The following MYL3 variants were observed in gnomAD, a reference collection of about 807,000 sequenced individuals.
The protein encoded by MYL3 is CMLC1.
MYL3 carries 11 observed loss-of-function variants against 21.3 expected under a neutral mutation model. The observed-to-expected ratio is 0.52, with a 90% CI of 0.32 to 0.85. MYL3 has a LOEUF of 0.85. Among genes scored for constraint, MYL3 ranks in the 40% least tolerant of loss-of-function variants. The pLI is 0.03. For missense variants in MYL3, 206 were observed against 253.3 expected (o/e 0.81, Z 1.27); for synonymous variants, 88 against 91.6 (o/e 0.96, Z 0.22).
Position 46,879,900 on chromosome 3 carries a change from G to A in MYL3, c.-218+2174C>T, listed in dbSNP as rs376863255. Among the ~76,000 whole-genome samples, 2 of 152,094 alleles carry A rather than the reference G, an allele frequency of 1.3e-5. No homozygotes were observed. Among genetic ancestry groups the A allele is most frequent in the East Asian group, 1.9e-4 (1 of 5,178 alleles). ...CTACAAATGCAAAAATTAGCCAGGCGTGGTGGTGCACAACTATAATGCCAG... is the reference window on the plus strand; with the variant it reads ...CTACAAATGCAAAAATTAGCCAGGCATGGTGGTGCACAACTATAATGCCAG... On this transcript the variant is annotated intron_variant, in intron 1 of 3. Transcript: ENST00000431168. The surrounding 1 kb of genome is among the most constrained non-coding windows in gnomAD (Gnocchi z 4.7).
At position 46,859,319 on chromosome 3, in the gene MYL3, C is replaced by G. The variant is rs1701965061; in HGVS notation, c.481+156G>C. 6.6e-6 allele frequency among the ~76,000 whole-genome samples: 1 copy of G among 152,218 alleles called. No homozygotes were observed. Among genetic ancestry groups the G allele is most frequent in the African/African-American group, 2.4e-5 (1 of 41,462 alleles). On this transcript the variant is annotated intron_variant, in intron 4 of 6. Transcript: ENST00000292327. The surrounding 1 kb of genome is among the most constrained non-coding windows in gnomAD (Gnocchi z 4.1). The stretch of plus-strand genomic sequence containing the variant: ...TGCACCAGCATGCTTGCTTTACTCT[C>G]CTCCTAAGTAACATTTCTGTTGTCT...
Position 46,860,652 on chromosome 3 carries a change from G to A in MYL3, c.307+24C>T. ...CAGTCTCCCCGGTACTAACACTATG[G>A]GGGCTCTCGGGCAGGTGCACTACCT... is the stretch of plus-strand genomic sequence containing the variant. On this transcript the variant is annotated intron_variant, in intron 3 of 6. Transcript: ENST00000292327. The surrounding 1 kb of genome is among the most constrained non-coding windows in gnomAD (Gnocchi z 4.6). 6.2e-7 allele frequency: 1 copy of A among 1,611,758 alleles called. No individual in the cohort carries two copies. Among genetic ancestry groups the A allele is most frequent in the Non-Finnish European group, 8.5e-7 (1 of 1,179,980 alleles).
chr3:46,859,370 ACT>A lies in MYL3; in HGVS notation c.481+103_481+104del, dbSNP rs1301741889. 15 of 1,448,092 alleles carry A rather than the reference ACT, an allele frequency of 1.0e-5. No individual in the cohort carries two copies. The highest frequency in any genetic ancestry group is 9.1e-5 in the East Asian group (4 of 43,796). The allele number at this position is 1,448,092 out of a possible 1,614,324, so 89.7% of individuals were successfully genotyped here. On this transcript the variant is annotated intron_variant, in intron 4 of 6. Transcript: ENST00000292327. The surrounding 1 kb of genome is among the most constrained non-coding windows in gnomAD (Gnocchi z 4.1). ...GCCATTGAGGCTCCCTAATTATGTA[ACT>A]CTCTCCATTTCACCAATGGGTCACA...
In MYL3 at chr3:46,861,008, C is replaced by T; in HGVS notation, c.130-21G>A. Reference sequence around the variant, plus strand: ...TCAATCTGAAAAGAGACCCCAAAGACTCAGATGCCCGGCTTAAAAGGTGGG... The same window carrying T: ...TCAATCTGAAAAGAGACCCCAAAGATTCAGATGCCCGGCTTAAAAGGTGGG... On this transcript the variant is annotated intron_variant, in intron 1 of 6. Coordinates refer to ENST00000292327, the MANE Select transcript of MYL3 (RefSeq NM_000258.3). The surrounding 1 kb of genome is among the most constrained non-coding windows in gnomAD (Gnocchi z 4.2). 6.2e-7 allele frequency: 1 copy of T among 1,613,984 alleles called. No individual in the cohort carries two copies. The highest frequency in any genetic ancestry group is 8.5e-7 in the Non-Finnish European group (1 of 1,179,996).
chr3:46,863,611 AG>A (rs971807382), upstream of MYL3: 16 of 546,664 alleles, frequency 2.9e-5, no homozygotes, highest in African/African-American at 3.1e-4. Flanking sequence ...TGGGTAGTGG[AG>A]GAGGGATCTC....
intron 1 of MYL3, among the ~76,000 whole-genome samples, chr3:46,870,770 A>G (rs1702101887): frequency 6.6e-6 from 1 of 151,450 alleles, no homozygotes; most frequent in Non-Finnish European, 1.5e-5. Flanking sequence ...GCCCCTAGAC[A>G]CTCCCTACTC....
rs74779174 is a variant in MYL3, at chr3:46,874,010, A to C, written c.-217-7410T>G. Among the ~76,000 whole-genome samples, 7,296 of 152,282 alleles carry C rather than the reference A, an allele frequency of 0.048. 242 individuals carry two copies. Among genetic ancestry groups the C allele is most frequent in the Non-Finnish European group, 0.07 (4,767 of 67,992 alleles). On this transcript the variant is annotated intron_variant, in intron 1 of 3. Transcript: ENST00000431168. The surrounding 1 kb of genome is among the most constrained non-coding windows in gnomAD (Gnocchi z 4.1). ...ACTGGCGACCCACCTGTGCCCAGTG[A>C]GAGCCCTTCGGCCTCTTCCAAAGAG...
intron 1 of MYL3, among the ~76,000 whole-genome samples, chr3:46,877,290 G>C (rs1251603588): frequency 6.6e-6 from 1 of 152,114 alleles, no homozygotes; most frequent in Non-Finnish European, 1.5e-5. Context: ...CTGTGACACA[G>C]GCAAGAACCA....
At chr3:46,876,654 C>A (rs2106930122) in intron 1 of MYL3, among the ~76,000 whole-genome samples, 1 of 152,340 alleles carries the variant, frequency 6.6e-6, no homozygotes, top group Middle Eastern at 3.4e-3. Flanking sequence ...CCCCAGGAGC[C>A]TGGAAGACCC....
chr3:46,876,489 G>A (rs2030222783), intron 1 of MYL3, among the ~76,000 whole-genome samples: 1 of 152,208 alleles, frequency 6.6e-6, no homozygotes. Context: ...AGTCCCATAA[G>A]TGCTGTTTGT....
At chr3:46,858,839 C>T (rs1336226843) in intron 4 of MYL3, among the ~76,000 whole-genome samples, 3 of 152,114 alleles carry the variant, frequency 2.0e-5, no homozygotes, top group Middle Eastern at 3.2e-3. Flanking sequence ...CCGCTGCTCC[C>T]CAAGTCTGGT....
chr3:46,863,485 C>A (rs1702014179), upstream of MYL3: 2 of 1,362,254 alleles, frequency 1.5e-6, no homozygotes. Flanking sequence ...TGCCCGGATA[C>A]CTCATGACCC....
upstream of MYL3, among the ~76,000 whole-genome samples, chr3:46,865,306 A>G (rs544619451): frequency 7.7e-4 from 114 of 148,358 alleles, no homozygotes; most frequent in Admixed American, 3.1e-3. This position sits in a 1 kb window ranked among gnomAD's most constrained non-coding sequence, Gnocchi z 4.3. Flanking sequence ...TTTCTTCCAA[A>G]TGTTTGGCAA....
upstream of MYL3, chr3:46,863,629 T>G: frequency 1.9e-6 from 1 of 523,148 alleles, no homozygotes; most frequent in Non-Finnish European, 3.5e-6. Flanking sequence ...TCTCCATTCC[T>G]CCCAATCACC....
chr3:46,881,757 C>G (rs2106946694), intron 1 of MYL3, among the ~76,000 whole-genome samples: 1 of 151,766 alleles, frequency 6.6e-6, no homozygotes, highest in African/African-American at 2.4e-5. Context: ...GCAGCCAAGC[C>G]GGGCTCGGGG....
At chr3:46,858,988 G>A (rs753973251) in intron 4 of MYL3, among the ~76,000 whole-genome samples, 47 of 152,144 alleles carry the variant, frequency 3.1e-4, no homozygotes, top group Admixed American at 2.0e-4. Flanking sequence ...GCACGGAGCT[G>A]AAACAGTAGA....
Position 46,861,045 on chromosome 3 carries a change from T to A in MYL3, c.130-58A>T. ...GCTTAAAAGGTGGGGCCACACCTCC[T>A]CCTGGGCACTCGGTGGCCAGCCCAG... On this transcript the variant is annotated intron_variant, in intron 1 of 6. Coordinates refer to ENST00000292327, the MANE Select transcript of MYL3 (RefSeq NM_000258.3). The surrounding 1 kb of genome is among the most constrained non-coding windows in gnomAD (Gnocchi z 4.2). The A allele has an allele frequency of 1.9e-6, 3 of 1,597,410 alleles. No individual in the cohort carries two copies. Among genetic ancestry groups the A allele is most frequent in the Non-Finnish European group, 2.6e-6 (3 of 1,165,360 alleles).
At chr3:46,872,478 G>A (rs1487177113) in intron 1 of MYL3, among the ~76,000 whole-genome samples, 4 of 126,148 alleles carry the variant, frequency 3.2e-5, no homozygotes, top group South Asian at 2.7e-4. Flanking sequence ...CAGCATGCTC[G>A]TGGCCCCTGC....
intron 1 of MYL3, among the ~76,000 whole-genome samples, chr3:46,876,599 T>C (rs1169682033): frequency 6.6e-6 from 1 of 152,090 alleles, no homozygotes; most frequent in Non-Finnish European, 1.5e-5. Flanking sequence ...CCTGACTAAC[T>C]TGTGAAACAA....
Sources: allele counts gnomAD v4.1 joint callset (sites outside exome capture counted in the v4.1 genomes callset), GRCh38; gene constraint gnomAD v4.1.1; non-coding constraint Gnocchi (gnomAD v3.1); transcripts MANE v1.5; gene names NCBI Gene and HGNC (gene_info 2026-07-23, HGNC 2026-07-21).